Variants in RYK observed in about 807,000 individuals in gnomAD.
RYK encodes the protein inactive tyrosine-protein kinase RYK.
RYK carries 21 observed loss-of-function variants against 70.2 expected under a neutral mutation model. That is an observed-to-expected ratio of 0.30 (90% confidence interval 0.21 to 0.43). RYK has a LOEUF of 0.43. RYK is among the 20% of genes least tolerant of loss of function. The probability of loss-of-function intolerance (pLI) is 1.00; values close to 1 mark genes in which losing one functional copy is unlikely to be tolerated. For missense variants in RYK, 604 were observed against 753.3 expected (o/e 0.80, Z 2.32); for synonymous variants, 267 against 278.0 (o/e 0.96, Z 0.39).
chr3:134,184,393 CA>C (rs1300585598), intron 9 of RYK, among the ~76,000 whole-genome samples: 3 of 152,122 alleles, frequency 2.0e-5, no homozygotes, highest in Admixed American at 2.0e-4. Context: ...AAGGATTCCT[CA>C]TCTTATAGGG....
At position 134,250,519 on chromosome 3, in the gene RYK, C is replaced by T. The variant is rs1184340310; in HGVS notation, c.136G>A (p.Ala46Thr). Residue 46 changes from alanine (A) to threonine (T), a missense_variant, in exon 1 of 15, where the codon GCC becomes ACC. Around this residue, in one of 2 missense-constraint regions of RYK, gnomAD observed 466 missense variants for 535.9 expected, o/e 0.87. Transcript: ENST00000623711. Reference protein sequence around the residue: ...LPLLPAPGAAAAPAPRPPELQ... With the variant: ...LPLLPAPGAATAPAPRPPELQ... ...TCCGGGGGCCGCGGGGCGGGGGCGG[C>T]GGCAGCGCCAGGCGCGGGCAGCAGC... 8.1e-7 allele frequency: 1 copy of T among 1,227,172 alleles called. No homozygotes were observed. Among genetic ancestry groups the T allele is most frequent in the Non-Finnish European group, 1.0e-6 (1 of 981,006 alleles). 76.0% of individuals were successfully genotyped at this position (1,227,172 alleles called of 1,614,324 possible). A position where few individuals can be genotyped will look rare whatever the true frequency, so the allele number is the denominator to read the frequency against.
chr3:134,188,845 G>A lies in RYK; in HGVS notation c.1094C>T (p.Thr365Ile), dbSNP rs374029224. 27 of 1,559,116 alleles carry A rather than the reference G, an allele frequency of 1.7e-5. No individual in the cohort carries two copies. Among genetic ancestry groups the A allele is most frequent in the Non-Finnish European group, 2.1e-5 (24 of 1,137,022 alleles). Residue 365 changes from threonine to isoleucine, a missense_variant, in exon 9 of 15, where the codon ACA (threonine) becomes ATA (isoleucine). Thr to Ile is a moderately conservative substitution (Grantham distance 89). Around this residue, in one of 2 missense-constraint regions of RYK, gnomAD observed 466 missense variants for 535.9 expected, o/e 0.87. Transcript: ENST00000623711. ...PNKEKQAFVK[T>I]VKDQASEIQV... ...TGGAAAAAAGATCCTACCTTTAACT[G>A]TTTTGACAAATGCTTGTTTTTCTTT...
intron 6 of RYK, among the ~76,000 whole-genome samples, chr3:134,202,235 G>C (rs954446306): frequency 1.3e-5 from 2 of 152,148 alleles, no homozygotes; most frequent in East Asian, 1.9e-4. Context: ...CAAACCAACT[G>C]CATCAAAATC....
chr3:134,160,103 G>A (rs564877075), intron 13 of RYK, among the ~76,000 whole-genome samples: 2 of 152,324 alleles, frequency 1.3e-5, no homozygotes, highest in South Asian at 4.1e-4. Context: ...CTGCCGCCAA[G>A]TGTGAACCCT....
At chr3:134,197,415 C>A (rs2013850195) in intron 6 of RYK, among the ~76,000 whole-genome samples, 1 of 152,136 alleles carries the variant, frequency 6.6e-6, no homozygotes, top group South Asian at 2.1e-4. Context: ...ACACTATCCT[C>A]TGATAAGATT....
intron 1 of RYK, among the ~76,000 whole-genome samples, chr3:134,235,465 A>G (rs2015177869): frequency 6.6e-6 from 1 of 152,176 alleles, no homozygotes; most frequent in Non-Finnish European, 1.5e-5. Context: ...AAATAAAATT[A>G]ATGAAATAAA....
At chr3:134,187,546 G>A (rs1184185643) in intron 9 of RYK, among the ~76,000 whole-genome samples, 1 of 151,912 alleles carries the variant, frequency 6.6e-6, no homozygotes, top group Non-Finnish European at 1.5e-5. Context: ...ACTTACCTCA[G>A]AATTATTATC....
intron 1 of RYK, among the ~76,000 whole-genome samples, chr3:134,237,382 A>G (rs2015221955): frequency 6.6e-6 from 1 of 152,180 alleles, no homozygotes; most frequent in African/African-American, 2.4e-5. Flanking sequence ...ATTACCTTGC[A>G]CATCTCACAA....
chr3:134,170,403 G>A lies in RYK; in HGVS notation c.1575+5206C>T, dbSNP rs546844398. On this transcript the variant is annotated intron_variant, in intron 13 of 14. Coordinates refer to ENST00000623711, the MANE Select transcript of RYK (RefSeq NM_002958.4). ...ATTCTCCTGTTGAGGTGCCTTTTGT[G>A]GAGGCAGCTAGCGTGAGGCTGGGGA... is the stretch of plus-strand genomic sequence containing the variant. 2.6e-5 allele frequency: 4 copies of A among 152,310 alleles called. No individual in the cohort carries two copies. The South Asian group carries it at 8.3e-4, about 32-fold the overall frequency. 9.4% of individuals were successfully genotyped at this position (152,310 alleles called of 1,614,324 possible).
chr3:134,225,189 G>A (rs2014869527), intron 1 of RYK, among the ~76,000 whole-genome samples: 2 of 152,214 alleles, frequency 1.3e-5, no homozygotes. Context: ...TGGTGGTGCT[G>A]GAGAAAGGGG....
At chr3:134,207,868 T>A (rs1192146884) in intron 4 of RYK, among the ~76,000 whole-genome samples, 1 of 152,216 alleles carries the variant, frequency 6.6e-6, no homozygotes, top group Non-Finnish European at 1.5e-5. Flanking sequence ...GTCTAACCCA[T>A]AATTCCCATC....
intron 2 of RYK, among the ~76,000 whole-genome samples, chr3:134,216,171 A>T (rs1348127568): frequency 6.6e-6 from 1 of 152,228 alleles, no homozygotes; most frequent in Non-Finnish European, 1.5e-5. Context: ...AACAAATGGC[A>T]ATTACAAATA....
intron 13 of RYK, among the ~76,000 whole-genome samples, chr3:134,163,358 T>G (rs2012546253): frequency 6.6e-6 from 1 of 152,226 alleles, no homozygotes; most frequent in East Asian, 1.9e-4. Flanking sequence ...ATTCTATAAT[T>G]TCCTTCTGTT....
rs574353290 is a variant in RYK, at chr3:134,211,457, G to A, written c.454+51C>T. 24 of 1,277,858 alleles carry A rather than the reference G, an allele frequency of 1.9e-5. No homozygotes were observed. In the African/African-American group the frequency reaches 3.2e-4, roughly 17 times the overall value. 79.2% of individuals were successfully genotyped at this position (1,277,858 alleles called of 1,614,324 possible). A position where few individuals can be genotyped will look rare whatever the true frequency, so the allele number is the denominator to read the frequency against. ...TAAACTTCTGTTTTGGGGCCATAGG[G>A]GATGCAGTTGAAAAAGTATGTTAAC... On this transcript the variant is annotated intron_variant, in intron 3 of 14. Coordinates refer to ENST00000623711, the MANE Select transcript of RYK (RefSeq NM_002958.4).
At chr3:134,234,492 C>A (rs1459418780) in intron 1 of RYK, among the ~76,000 whole-genome samples, 1 of 152,062 alleles carries the variant, frequency 6.6e-6, no homozygotes, top group Non-Finnish European at 1.5e-5. Flanking sequence ...GACAATGGGA[C>A]TGAAATAAAA....
chr3:134,192,312 T>C (rs1034571981), intron 7 of RYK, among the ~76,000 whole-genome samples: 16 of 152,158 alleles, frequency 1.1e-4, no homozygotes, highest in Non-Finnish European at 2.9e-5. Context: ...ATCCTTCTTA[T>C]GGACAGTTTT....
chr3:134,194,032 G>T (rs1012583963), intron 7 of RYK, among the ~76,000 whole-genome samples: 3 of 152,154 alleles, frequency 2.0e-5, no homozygotes, highest in Admixed American at 6.6e-5. Flanking sequence ...TCCCTCAATG[G>T]CAGAGTTCCC....
intron 7 of RYK, among the ~76,000 whole-genome samples, chr3:134,194,635 A>G (rs1343995119): frequency 6.6e-6 from 1 of 152,222 alleles, no homozygotes; most frequent in African/African-American, 2.4e-5. Context: ...GACATTCTCA[A>G]CTTTCCAGTG....
intron 2 of RYK, among the ~76,000 whole-genome samples, chr3:134,221,705 A>G (rs2014744099): frequency 6.6e-6 from 1 of 152,190 alleles, no homozygotes; most frequent in Non-Finnish European, 1.5e-5. Flanking sequence ...TATTTATAGT[A>G]GCAAGACTAT....
Sources: gnomAD v4.1 joint callset for allele counts (sites outside exome capture counted in the v4.1 genomes callset) on GRCh38, gnomAD v4.1.1 for gene constraint, gnomAD v4.1.1 regional missense constraint, MANE v1.5 for transcripts, NCBI Gene and HGNC (gene_info 2026-07-23, HGNC 2026-07-21) for gene names.